The following ABHD12 variants were observed in gnomAD, a reference collection of about 807,000 sequenced individuals.
The protein encoded by ABHD12 is lysophosphatidylserine lipase ABHD12.
A neutral mutation model predicts 58.3 loss-of-function variants in ABHD12; 43 were observed. The ratio of observed to expected loss-of-function variants is 0.74; its 90% CI spans 0.58 to 0.95. ABHD12 has a LOEUF of 0.95. Ranked by LOEUF, ABHD12 falls within the 40% of genes least tolerant of loss-of-function variation. ABHD12 has a pLI of 0.00. For synonymous variants in ABHD12, 219 were observed against 211.2 expected, an observed-to-expected ratio of 1.04 and a Z score of -0.32; for missense variants, 539 against 537.2, an observed-to-expected ratio of 1.00 and a Z score of -0.03.
At chr20:25,311,061 C>A (rs575911969) in intron 6 of ABHD12, among the ~76,000 whole-genome samples, 2 of 152,268 alleles carry the variant, frequency 1.3e-5, no homozygotes, top group South Asian at 4.1e-4. Flanking sequence ...TGGAGTTTTT[C>A]CCAGCCCACA....
intron 1 of ABHD12, among the ~76,000 whole-genome samples, chr20:25,388,582 A>G (rs986377304): frequency 1.3e-5 from 2 of 152,036 alleles, no homozygotes; most frequent in Admixed American, 1.3e-4. Flanking sequence ...CAACCTAACA[A>G]ATTTGGTCTT....
At chr20:25,352,377 C>T (rs1182671511) in intron 1 of ABHD12, among the ~76,000 whole-genome samples, 2 of 152,180 alleles carry the variant, frequency 1.3e-5, no homozygotes, top group Non-Finnish European at 2.9e-5. Context: ...CAACCCCCAC[C>T]TCATGGATTC....
chr20:25,320,380 C>A, intron 3 of ABHD12, 62 bp from the exon 4 acceptor site: 1 of 1,604,910 alleles, frequency 6.2e-7, no homozygotes, highest in Non-Finnish European at 8.5e-7. Flanking sequence ...ATCCTGGCGA[C>A]TGCACGTGGT....
chr20:25,335,990 G>A (rs2089361981), intron 2 of ABHD12, among the ~76,000 whole-genome samples: 5 of 151,680 alleles, frequency 3.3e-5, no homozygotes, highest in Admixed American at 3.3e-4. Flanking sequence ...AAAAACAAAT[G>A]CATGATGATA....
At chr20:25,378,978 T>C (rs769569538) in intron 1 of ABHD12, among the ~76,000 whole-genome samples, 2 of 152,214 alleles carry the variant, frequency 1.3e-5, no homozygotes, top group Non-Finnish European at 2.9e-5. Flanking sequence ...AGATTAATTC[T>C]ATTTAACAAT....
chr20:25,336,009 C>G (rs1187891040), intron 2 of ABHD12, among the ~76,000 whole-genome samples: 2 of 151,684 alleles, frequency 1.3e-5, no homozygotes, highest in Non-Finnish European at 2.9e-5. Flanking sequence ...TAGATCTGAC[C>G]TATTTCCAAA....
chr20:25,300,459 CTG>C lies in ABHD12; in HGVS notation c.*384_*385del. 8.2e-7 allele frequency: 1 copy of C among 1,215,002 alleles called. No homozygotes were observed. The highest frequency in any genetic ancestry group is 4.8e-5 in the East Asian group (1 of 20,724). The allele number at this position is 1,215,002 out of a possible 1,614,324, so 75.3% of individuals were successfully genotyped here. A position where few individuals can be genotyped will look rare whatever the true frequency, so the allele number is the denominator to read the frequency against. On this transcript the variant is annotated 3_prime_UTR_variant, in exon 13 of 13. Transcript: ENST00000339157. Reference sequence around the variant, plus strand: ...AGAAAGAACCTGGACCCCACGTTCTCTGTGGGTGGTGCCAAAAAGCTCAGCAT... The same window carrying C: ...AGAAAGAACCTGGACCCCACGTTCTCTGGGTGGTGCCAAAAAGCTCAGCAT...
intron 1 of ABHD12, among the ~76,000 whole-genome samples, chr20:25,380,392 T>C (rs1175077495): frequency 6.6e-6 from 1 of 152,168 alleles, no homozygotes; most frequent in Non-Finnish European, 1.5e-5. Flanking sequence ...CTGCCTGAAG[T>C]TGTCCTATGG....
chr20:25,324,570 G>A (rs932665375), intron 2 of ABHD12, among the ~76,000 whole-genome samples: 5 of 152,216 alleles, frequency 3.3e-5, no homozygotes, highest in African/African-American at 7.2e-5. Flanking sequence ...TGCCCCCGGG[G>A]AAGCTCTGCT....
chr20:25,346,373 G>A lies in ABHD12; in HGVS notation c.192-7022C>T, dbSNP rs536193171. The stretch of plus-strand genomic sequence containing the variant: ...ATTTCTAGGGCAGTGAAACTATTGT[G>A]TATGATACTACAATGGTAAATAAGT... On this transcript the variant is annotated intron_variant, in intron 1 of 12. Coordinates refer to ENST00000339157, the MANE Select transcript of ABHD12 (RefSeq NM_001042472.3). Among the ~76,000 whole-genome samples the A allele has an allele frequency of 5.3e-4, 81 of 152,292 alleles. No individual in the cohort carries two copies. The South Asian group carries it at 0.016, about 30-fold the overall frequency.
chr20:25,304,871 C>A (rs6115140), intron 10 of ABHD12, among the ~76,000 whole-genome samples: 61,470 of 151,798 alleles, frequency 0.4, 13,520 homozygotes, highest in East Asian at 0.92. Flanking sequence ...CCAGTCACAA[C>A]CTTGCTTTTT....
chr20:25,335,700 T>C (rs1410901129), intron 2 of ABHD12, among the ~76,000 whole-genome samples: 1,729 of 149,054 alleles, frequency 0.012, 34 homozygotes, highest in African/African-American at 0.041. Flanking sequence ...AGTAAACTAT[T>C]GCAAGATCAA....
At chr20:25,332,357 G>C (rs1322336527) in intron 2 of ABHD12, among the ~76,000 whole-genome samples, 1 of 151,840 alleles carries the variant, frequency 6.6e-6, no homozygotes, top group African/African-American at 2.4e-5. Flanking sequence ...ATTAATAATG[G>C]GAGACTTTAA....
In ABHD12 at chr20:25,309,434, G is replaced by A; in HGVS notation, c.749+12C>T. On this transcript the variant is annotated intron_variant, in intron 7 of 12. Coordinates refer to ENST00000339157, the MANE Select transcript of ABHD12 (RefSeq NM_001042472.3). ...CTCCCACTAAAGGCTGCCTCCTGCT[G>A]GGGTCCCTTACCCAGTGCCCAGAGA... 1 of 1,613,986 alleles carries A rather than the reference G, an allele frequency of 6.2e-7. No individual in the cohort carries two copies. Among genetic ancestry groups the A allele is most frequent in the Non-Finnish European group, 8.5e-7 (1 of 1,179,940 alleles).
chr20:25,335,798 G>A (rs2089355403), intron 2 of ABHD12, among the ~76,000 whole-genome samples: 1 of 131,580 alleles, frequency 7.6e-6, no homozygotes, highest in Non-Finnish European at 1.6e-5. Flanking sequence ...CACACTCTGG[G>A]AACTGTTGTG....
chr20:25,296,118 G>C (rs529089079), downstream of ABHD12, among the ~76,000 whole-genome samples: 15 of 152,128 alleles, frequency 9.9e-5, no homozygotes, highest in African/African-American at 3.6e-4. Flanking sequence ...TGGGGGCCAT[G>C]CCCTAGCAGG....
intron 2 of ABHD12, among the ~76,000 whole-genome samples, chr20:25,336,806 G>A (rs931150215): frequency 3.0e-4 from 45 of 152,314 alleles, no homozygotes; most frequent in African/African-American, 9.9e-4. Flanking sequence ...GGAGGACAGC[G>A]GGGCCTGGAG....
chr20:25,385,821 G>A lies in ABHD12; in HGVS notation c.191+4692C>T, dbSNP rs143261103. 2.1e-3 allele frequency among the ~76,000 whole-genome samples: 320 copies of A among 152,162 alleles called. 2 individuals are homozygous for A. The highest frequency in any genetic ancestry group is 6.7e-3 in the African/African-American group (280 of 41,500). The stretch of plus-strand genomic sequence containing the variant: ...GCTAAAAGTTTAGAATAAAATGGCC[G>A]GGTGCGGTGGCTGACACCTGTAATC... On this transcript the variant is annotated intron_variant, in intron 1 of 12. Transcript: ENST00000339157.
chr20:25,305,423 C>T (rs2424711), intron 10 of ABHD12, among the ~76,000 whole-genome samples: 60,474 of 149,526 alleles, frequency 0.4, 13,251 homozygotes, highest in East Asian at 0.92. Context: ...AGTGCAGTGG[C>T]GCGATCTCGG....
Sources: gnomAD v4.1 joint callset for allele counts (sites outside exome capture counted in the v4.1 genomes callset) on GRCh38, gnomAD v4.1.1 for gene constraint, MANE v1.5 for transcripts, NCBI Gene and HGNC (gene_info 2026-07-23, HGNC 2026-07-21) for gene names.